The following RIMS4 variants were observed in gnomAD, a reference collection of about 807,000 sequenced individuals.
The protein encoded by RIMS4 is regulating synaptic membrane exocytosis 4.
Under a neutral mutation model 29.0 loss-of-function variants are expected in RIMS4, and 9 were observed. The ratio of observed to expected loss-of-function variants is 0.31; its 90% CI spans 0.19 to 0.54. RIMS4 has a LOEUF of 0.54. RIMS4 is among the 20% of genes least tolerant of loss of function. The pLI is 0.94. For synonymous variants in RIMS4, 130 were observed against 152.9 expected, an observed-to-expected ratio of 0.85 and a Z score of 1.10; for missense variants, 193 against 365.7, an observed-to-expected ratio of 0.53 and a Z score of 3.85.
rs2066056154 is a variant in RIMS4, at chr20:44,755,632, G to A, written c.*502C>T. Reference sequence around the variant, plus strand: ...GCTCCTCTTCAAGTGGGGGGCTCTGGGCCCCTGGGAGCTGGCTCCGGATCC... The same window carrying A: ...GCTCCTCTTCAAGTGGGGGGCTCTGAGCCCCTGGGAGCTGGCTCCGGATCC... On this transcript the variant is annotated 3_prime_UTR_variant, in exon 6 of 6. Transcript: ENST00000372851. 1 of 153,660 alleles carries A rather than the reference G, an allele frequency of 6.5e-6. No individual in the cohort carries two copies. Among genetic ancestry groups the A allele is most frequent in the South Asian group, 2.1e-4 (1 of 4,862 alleles). 9.5% of individuals were successfully genotyped at this position (153,660 alleles called of 1,614,324 possible). A position where few individuals can be genotyped will look rare whatever the true frequency, so the allele number is the denominator to read the frequency against.
chr20:44,769,738 G>C (rs1447041857), intron 2 of RIMS4, among the ~76,000 whole-genome samples: 3 of 152,192 alleles, frequency 2.0e-5, no homozygotes, highest in Admixed American at 1.3e-4. Context: ...GGCCATTCAC[G>C]AGGCTGAAGA....
At chr20:44,765,913 C>T (rs894777242) in intron 2 of RIMS4, among the ~76,000 whole-genome samples, 22 of 152,268 alleles carry the variant, frequency 1.4e-4, no homozygotes, top group Middle Eastern at 3.4e-3. Context: ...GCTGAAGGGG[C>T]GGGAAGGAGT....
At chr20:44,768,990 T>C (rs1439829570) in intron 2 of RIMS4, among the ~76,000 whole-genome samples, 1 of 152,248 alleles carries the variant, frequency 6.6e-6, no homozygotes. Context: ...ACTCTGTAAG[T>C]GTCTGCACTG....
chr20:44,775,312 T>A (rs1190200563), intron 1 of RIMS4, among the ~76,000 whole-genome samples: 2 of 152,050 alleles, frequency 1.3e-5, no homozygotes, highest in Admixed American at 1.3e-4. Context: ...TGTGAGCCCC[T>A]CCCCACTGTA....
At chr20:44,795,487 C>T (rs1340128132) in intron 1 of RIMS4, among the ~76,000 whole-genome samples, 1 of 152,142 alleles carries the variant, frequency 6.6e-6, no homozygotes, top group Non-Finnish European at 1.5e-5. Context: ...AAAAAATTAG[C>T]CAGGTGTGAT....
intron 2 of RIMS4, among the ~76,000 whole-genome samples, chr20:44,761,313 A>G (rs766082570): frequency 6.6e-6 from 1 of 152,202 alleles, no homozygotes; most frequent in African/African-American, 2.4e-5. Flanking sequence ...TGACACAGGT[A>G]CTGCATGGCC....
chr20:44,782,841 A>G (rs191181668), intron 1 of RIMS4, among the ~76,000 whole-genome samples: 167 of 152,346 alleles, frequency 1.1e-3, no homozygotes, highest in African/African-American at 2.7e-3. Flanking sequence ...CCTCCTCTCC[A>G]CAAACACTGG....
chr20:44,779,618 A>G (rs544256043), intron 1 of RIMS4, among the ~76,000 whole-genome samples: 3 of 152,220 alleles, frequency 2.0e-5, no homozygotes, highest in Non-Finnish European at 2.9e-5. Flanking sequence ...GTGTGAATAT[A>G]TCAAAATAAT....
chr20:44,806,225 G>A (rs1358793650), intron 1 of RIMS4, among the ~76,000 whole-genome samples: 1 of 152,224 alleles, frequency 6.6e-6, no homozygotes, highest in South Asian at 2.1e-4. Context: ...AGAACTGGAC[G>A]CTGAAACCAC....
chr20:44,757,997 G>A (rs1039849040), intron 3 of RIMS4, 75 bp downstream of exon 3: 12 of 1,149,108 alleles, frequency 1.0e-5, no homozygotes, highest in South Asian at 1.4e-5. Flanking sequence ...AAAGGGGAAG[G>A]AGGGAGAGAC....
intron 1 of RIMS4, among the ~76,000 whole-genome samples, chr20:44,772,535 CAG>C (rs1208097305): frequency 2.0e-5 from 3 of 152,212 alleles, no homozygotes; most frequent in African/African-American, 7.2e-5. Flanking sequence ...GTACCCAAAA[CAG>C]GAGGCACGGA....
At chr20:44,788,165 G>C (rs1235841673) in intron 1 of RIMS4, among the ~76,000 whole-genome samples, 1 of 152,146 alleles carries the variant, frequency 6.6e-6, no homozygotes, top group East Asian at 1.9e-4. Flanking sequence ...CCAGACAGGG[G>C]AAGAAACTTG....
Position 44,810,209 on chromosome 20 carries a change from G to A in RIMS4, c.63C>T (p.Phe21=). The A allele has an allele frequency of 6.3e-7, 1 of 1,588,660 alleles. No individual in the cohort carries two copies. The highest frequency in any genetic ancestry group is 8.6e-7 in the Non-Finnish European group (1 of 1,166,008). ...CGTCGTCGAAGGAGTTCATGCACGGGAAGTAGATGGCGAGCGCCTCGAAGG... is the reference window on the plus strand; with the variant it reads ...CGTCGTCGAAGGAGTTCATGCACGGAAAGTAGATGGCGAGCGCCTCGAAGG... ...SASFEALAIY[F]PCMNSFDDED... The change falls in exon 1 of 6, where the codon TTC becomes TTT. Residue 21 remains phenylalanine (F), a synonymous_variant. Coordinates refer to ENST00000372851, the MANE Select transcript of RIMS4 (RefSeq NM_182970.4).
chr20:44,773,522 C>T (rs539495865), intron 1 of RIMS4, among the ~76,000 whole-genome samples: 1 of 151,842 alleles, frequency 6.6e-6, no homozygotes, highest in Admixed American at 6.6e-5. Flanking sequence ...GGGATACAGA[C>T]CCATGACTGG....
intron 1 of RIMS4, among the ~76,000 whole-genome samples, chr20:44,774,367 T>A (rs1213515793): frequency 4.6e-5 from 7 of 152,138 alleles, no homozygotes; most frequent in Non-Finnish European, 1.0e-4. Flanking sequence ...AACATTTGAG[T>A]CAGTGGACTG....
Position 44,756,208 on chromosome 20 carries a change from T to C in RIMS4, c.736A>G (p.Thr246Ala). The C allele has an allele frequency of 6.2e-7, 1 of 1,613,990 alleles. No homozygotes were observed. Among genetic ancestry groups the C allele is most frequent in the Non-Finnish European group, 8.5e-7 (1 of 1,179,966 alleles). ...FPTSSMVDPA[T>A]GPLLRQASQL... is the part of the protein sequence containing the mutation. The stretch of plus-strand genomic sequence containing the variant: ...GATGCCTGCCGGAGCAGGGGGCCTG[T>C]GGCTGGGTCCACCATGGAGGAGGTG... Residue 246 changes from threonine to alanine, a missense_variant, in exon 6 of 6, where the codon ACA becomes GCA. Physicochemically the swap from Thr to Ala is moderately conservative, Grantham distance 58. Transcript: ENST00000372851. The surrounding 1 kb of genome is among the most constrained non-coding windows in gnomAD (Gnocchi z 5.9).
chr20:44,810,299 C>CGCG lies in RIMS4; in HGVS notation c.-31_-29dup, dbSNP rs980349977. On this transcript the variant is annotated 5_prime_UTR_variant, in exon 1 of 6. Transcript: ENST00000372851. ...CCGCGCCGGCGCCGGGCGCCTCGGC[C>CGCG]GCGGCGGCGGCGGCGGCGGCGGGCG... is the stretch of plus-strand genomic sequence containing the variant. 301 of 956,258 alleles carry CGCG rather than the reference C, an allele frequency of 3.1e-4. 1 individual carries two copies. Among genetic ancestry groups the CGCG allele is most frequent in the African/African-American group, 2.5e-3 (138 of 55,864 alleles). 59.2% of individuals were successfully genotyped at this position (956,258 alleles called of 1,614,324 possible).
chr20:44,757,870 T>G (rs2145442701), intron 3 of RIMS4, 99 bp from the exon 4 acceptor site: 1 of 1,145,868 alleles, frequency 8.7e-7, no homozygotes, highest in East Asian at 2.4e-5. Context: ...CCCCTTCCCC[T>G]GCTCCCAGCC....
chr20:44,793,948 A>G (rs1182663154), intron 1 of RIMS4, among the ~76,000 whole-genome samples: 2 of 152,210 alleles, frequency 1.3e-5, no homozygotes, highest in African/African-American at 2.4e-5. Context: ...ATGTACCTGT[A>G]GTCCCAGCTT....
Sources: allele counts gnomAD v4.1 joint callset (sites outside exome capture counted in the v4.1 genomes callset), GRCh38; gene constraint gnomAD v4.1.1; non-coding constraint Gnocchi (gnomAD v3.1); transcripts MANE v1.5; gene names NCBI Gene and HGNC (gene_info 2026-07-23, HGNC 2026-07-21).